Variants in RGS8 observed in about 807,000 individuals in gnomAD.
RGS8 encodes regulator of G protein signaling 8.
RGS8 carries 8 observed loss-of-function variants against 21.7 expected under a neutral mutation model. The observed-to-expected ratio is 0.37, with a 90% CI of 0.22 to 0.66. The LOEUF is 0.66. Ranked by LOEUF, RGS8 falls within the 30% of genes least tolerant of loss-of-function variation. RGS8 has a pLI of 0.59. For missense variants in RGS8, 157 were observed against 217.9 expected (o/e 0.72, Z 1.76); for synonymous variants, 80 against 83.6 (o/e 0.96, Z 0.24).
chr1:182,707,663 G>A, the RGS8 span, among the ~76,000 whole-genome samples: 1 of 152,086 alleles, frequency 6.6e-6, no homozygotes, highest in Non-Finnish European at 1.5e-5. Context: ...AATAACATTA[G>A]GCATTTCTAC....
At chr1:182,676,045 G>A (rs1229649316), upstream of RGS8, among the ~76,000 whole-genome samples, 1 of 152,184 alleles carries the variant, frequency 6.6e-6, no homozygotes, top group East Asian at 1.9e-4. Context: ...TTCTGGTCAA[G>A]ACTGAAGTCA....
chr1:182,690,243 C>T, the RGS8 span, among the ~76,000 whole-genome samples: 8 of 151,844 alleles, frequency 5.3e-5, no homozygotes, highest in African/African-American at 1.7e-4. Flanking sequence ...ATAATTCATG[C>T]CCCCCTGACA....
the RGS8 span, among the ~76,000 whole-genome samples, chr1:182,698,697 C>T: frequency 2.6e-5 from 4 of 152,158 alleles, no homozygotes; most frequent in African/African-American, 4.8e-5. Flanking sequence ...AATATTATCA[C>T]GATGAGAGTG....
the RGS8 span, among the ~76,000 whole-genome samples, chr1:182,737,977 G>C: frequency 6.6e-6 from 1 of 152,154 alleles, no homozygotes; most frequent in Non-Finnish European, 1.5e-5. Flanking sequence ...GAGAAACCTT[G>C]ACCCAGAGAA....
At chr1:182,711,332 A>G in the RGS8 span, among the ~76,000 whole-genome samples, 7 of 152,174 alleles carry the variant, frequency 4.6e-5, no homozygotes, top group South Asian at 1.5e-3. Flanking sequence ...GACCCCAAAT[A>G]CCAATCCATT....
chr1:182,683,294 A>G (rs1418242144), intron 1 of RGS8, among the ~76,000 whole-genome samples: 1 of 152,250 alleles, frequency 6.6e-6, no homozygotes, highest in Admixed American at 6.5e-5. Context: ...TCATCAGCGT[A>G]ATACCATGTT....
At chr1:182,723,125 T>C in the RGS8 span, among the ~76,000 whole-genome samples, 1 of 152,342 alleles carries the variant, frequency 6.6e-6, no homozygotes, top group South Asian at 2.1e-4. Flanking sequence ...AGGTCACATT[T>C]TGATGTTCTG....
At chr1:182,683,670 T>C (rs1423317399) in intron 1 of RGS8, among the ~76,000 whole-genome samples, 1 of 150,048 alleles carries the variant, frequency 6.7e-6, no homozygotes, top group African/African-American at 2.5e-5. Flanking sequence ...TAGACAGTGC[T>C]GAGAAGTACC....
At chr1:182,726,381 C>T in the RGS8 span, among the ~76,000 whole-genome samples, 2 of 152,096 alleles carry the variant, frequency 1.3e-5, no homozygotes, top group Non-Finnish European at 2.9e-5. Flanking sequence ...GATAAGATGC[C>T]ATGCCACGGC....
At chr1:182,651,344 AG>A (rs1490392774) in intron 5 of RGS8, among the ~76,000 whole-genome samples, 6 of 152,250 alleles carry the variant, frequency 3.9e-5, no homozygotes, top group Non-Finnish European at 7.3e-5. Flanking sequence ...AGCTCAGCCG[AG>A]CCTACCCTAA....
At chr1:182,689,260 C>A (rs1557906852), upstream of RGS8, among the ~76,000 whole-genome samples, 6 of 136,864 alleles carry the variant, frequency 4.4e-5, no homozygotes, top group Non-Finnish European at 9.5e-5. Flanking sequence ...CACGCACACA[C>A]ACAGACACAC....
upstream of RGS8, among the ~76,000 whole-genome samples, chr1:182,674,913 C>T (rs1663833): frequency 0.12 from 17,510 of 152,084 alleles, 1,773 homozygotes; most frequent in African/African-American, 0.27. Context: ...GTCCTGCCCG[C>T]CTCTGAACTT....
At chr1:182,680,035 T>C (rs967117410) in intron 1 of RGS8, among the ~76,000 whole-genome samples, 1 of 152,124 alleles carries the variant, frequency 6.6e-6, no homozygotes, top group Non-Finnish European at 1.5e-5. Context: ...CTCCCCTCCA[T>C]CCTCGCTACC....
chr1:182,727,462 C>T, the RGS8 span, among the ~76,000 whole-genome samples: 8 of 152,168 alleles, frequency 5.3e-5, no homozygotes, highest in Non-Finnish European at 8.8e-5. Context: ...CTCTTCGTGA[C>T]ATTTCAAGGG....
At chr1:182,716,332 C>T in the RGS8 span, among the ~76,000 whole-genome samples, 6 of 151,954 alleles carry the variant, frequency 3.9e-5, 1 homozygote, top group African/African-American at 1.5e-4. Flanking sequence ...CACTGTGTTG[C>T]CCAGGCTGGT....
downstream of RGS8, chr1:182,642,790 G>A (rs583585): frequency 7.9e-5 from 12 of 152,144 alleles, no homozygotes; most frequent in Non-Finnish European, 1.6e-4. Flanking sequence ...CCCACCCAAC[G>A]TGGGACCAAA....
At chr1:182,657,544 C>T (rs945643234) in intron 5 of RGS8, among the ~76,000 whole-genome samples, 3 of 152,290 alleles carry the variant, frequency 2.0e-5, no homozygotes, top group Admixed American at 6.5e-5. Context: ...GAAGTCCCCC[C>T]GCCCCAGTTT....
At chr1:182,649,923 G>C (rs1187569037) in intron 5 of RGS8, among the ~76,000 whole-genome samples, 1 of 85,014 alleles carries the variant, frequency 1.2e-5, no homozygotes, top group Non-Finnish European at 2.3e-5. Context: ...TTTTTTTTTT[G>C]GGTGGGGGGC....
chr1:182,742,383 C>T, the RGS8 span, among the ~76,000 whole-genome samples: 3 of 151,948 alleles, frequency 2.0e-5, no homozygotes, highest in African/African-American at 7.2e-5. Flanking sequence ...GAGGCCAAGG[C>T]AGGCGGCTGG....
Sources: allele counts gnomAD v4.1 joint callset (sites outside exome capture counted in the v4.1 genomes callset), GRCh38; gene constraint gnomAD v4.1.1; transcripts MANE v1.5; gene names NCBI Gene and HGNC (gene_info 2026-07-23, HGNC 2026-07-21).